UNC5C: variants seen among roughly 807,000 people sequenced by gnomAD.
UNC5C encodes netrin receptor UNC5C.
A neutral mutation model predicts 99.8 loss-of-function variants in UNC5C; 47 were observed. The observed-to-expected ratio is 0.47, with a 90% CI of 0.37 to 0.60. The LOEUF is 0.60. UNC5C is among the 20% of genes least tolerant of loss of function. The pLI is 0.00. For missense variants in UNC5C, 1,062 were observed against 1,165.9 expected (o/e 0.91, Z 1.30); for synonymous variants, 487 against 452.2 (o/e 1.08, Z -0.98).
intron 5 of UNC5C, 88 bp from the exon 6 acceptor site, chr4:95,245,232 C>T: frequency 7.4e-7 from 1 of 1,360,238 alleles, no homozygotes. Flanking sequence ...AATATGTAAA[C>T]AAAGAGTTAT....
chr4:95,403,423 CT>C, intron 1 of UNC5C, among the ~76,000 whole-genome samples: 1 of 152,138 alleles, frequency 6.6e-6, no homozygotes. Flanking sequence ...GACAAGAAGG[CT>C]TTTCATTTGA....
chr4:95,172,704 G>C (rs1236576891), intron 14 of UNC5C, among the ~76,000 whole-genome samples: 4 of 151,832 alleles, frequency 2.6e-5, no homozygotes, highest in African/African-American at 9.7e-5. Context: ...TTTGGCTTAG[G>C]ATTGACTTGG....
chr4:95,282,594 C>T (rs951575021), intron 3 of UNC5C, among the ~76,000 whole-genome samples: 11 of 152,128 alleles, frequency 7.2e-5, no homozygotes, highest in African/African-American at 2.2e-4. Flanking sequence ...TTTATGCTTC[C>T]GTTCAACAAA....
intron 1 of UNC5C, among the ~76,000 whole-genome samples, chr4:95,384,977 AG>A (rs560012449): frequency 8.9e-4 from 135 of 152,128 alleles, no homozygotes; most frequent in Non-Finnish European, 1.8e-3. Context: ...CAGATAGGAC[AG>A]GGTTAAAAAG....
intron 4 of UNC5C, among the ~76,000 whole-genome samples, chr4:95,262,149 T>C (rs1740261893): frequency 6.6e-6 from 1 of 152,170 alleles, no homozygotes; most frequent in South Asian, 2.1e-4. Flanking sequence ...ATTGGGAATA[T>C]TAGTGTTGTA....
At chr4:95,438,686 T>G (rs566647366) in intron 1 of UNC5C, among the ~76,000 whole-genome samples, 7 of 152,274 alleles carry the variant, frequency 4.6e-5, no homozygotes, top group Admixed American at 1.3e-4. Context: ...ACATAGTTCC[T>G]GCAGATAAGG....
chr4:95,522,715 A>T (rs1210829551), intron 1 of UNC5C, among the ~76,000 whole-genome samples: 1 of 152,206 alleles, frequency 6.6e-6, no homozygotes, highest in Non-Finnish European at 1.5e-5. Context: ...TAGTCCCCAG[A>T]ATAATTTTTG....
rs188890596 is a variant in UNC5C at position 95,342,644 on chromosome 4, G to A, written c.125-7013C>T. Among the ~76,000 whole-genome samples, 16 of 151,924 alleles carry A rather than the reference G, an allele frequency of 1.1e-4. No homozygotes were observed. In the East Asian group the frequency reaches 3.1e-3, roughly 30 times the overall value. ...AGGCTCCTTCTGCTTGAGAAAAAGG[G>A]AGGGAAGAGTAAAAGGGAGTTTGTC... On this transcript the variant is annotated intron_variant, in intron 1 of 15. Transcript: ENST00000453304.
At chr4:95,478,655 ATTAT>A (rs751597461) in intron 1 of UNC5C, among the ~76,000 whole-genome samples, 2 of 151,956 alleles carry the variant, frequency 1.3e-5, no homozygotes, top group South Asian at 2.1e-4. Flanking sequence ...TCTGCATTTT[ATTAT>A]TTTGTTTTTT....
intron 2 of UNC5C, among the ~76,000 whole-genome samples, chr4:95,323,567 C>T (rs551432047): frequency 2.0e-5 from 3 of 152,216 alleles, no homozygotes; most frequent in Non-Finnish European, 2.9e-5. Context: ...GATTATAATG[C>T]TCAAAAGGGT....
At chr4:95,184,905 C>G (rs1736768952) in intron 13 of UNC5C, 142 bp downstream of exon 13, 1 of 958,456 alleles carries the variant, frequency 1.0e-6, no homozygotes, top group African/African-American at 1.7e-5. Flanking sequence ...TCTCAAAAAT[C>G]CTAAATAACC....
At position 95,168,959 on chromosome 4, in the gene UNC5C, A is replaced by G. The variant is rs897407902; in HGVS notation, c.*275T>C. On this transcript the variant is annotated 3_prime_UTR_variant, in exon 16 of 16. Transcript: ENST00000453304. ...TTCCTAGGAAACTGTAAGATCCTGT[A>G]CCACACAGCATACAGCCCAACTAAG... The G allele has an allele frequency of 2.2e-5, 9 of 404,210 alleles. No individual in the cohort carries two copies. The highest frequency in any genetic ancestry group is 1.8e-4 in the African/African-American group (9 of 50,638). 25.0% of individuals were successfully genotyped at this position (404,210 alleles called of 1,614,324 possible).
intron 6 of UNC5C, among the ~76,000 whole-genome samples, chr4:95,243,319 G>A (rs1393013729): frequency 6.6e-6 from 1 of 151,828 alleles, no homozygotes; most frequent in Non-Finnish European, 1.5e-5. Flanking sequence ...TAATTTTGGT[G>A]GCTGGCTTGT....
At chr4:95,528,215 T>C (rs1398692898) in intron 1 of UNC5C, among the ~76,000 whole-genome samples, 1 of 152,204 alleles carries the variant, frequency 6.6e-6, no homozygotes, top group Non-Finnish European at 1.5e-5. Flanking sequence ...GAGTCCTTCA[T>C]ACAAAGTCCT....
At chr4:95,240,108 C>T (rs1579258532) in intron 7 of UNC5C, among the ~76,000 whole-genome samples, 1 of 152,212 alleles carries the variant, frequency 6.6e-6, no homozygotes, top group South Asian at 2.1e-4. Flanking sequence ...TAATGCATTC[C>T]AGACACTAAT....
intron 1 of UNC5C, among the ~76,000 whole-genome samples, chr4:95,355,572 TCA>T (rs991848247): frequency 2.7e-4 from 41 of 152,196 alleles, no homozygotes; most frequent in Admixed American, 5.9e-4. Flanking sequence ...GTTGTGCCTA[TCA>T]CACAGTAATA....
chr4:95,356,145 G>T (rs1448687536), intron 1 of UNC5C, among the ~76,000 whole-genome samples: 1 of 134,402 alleles, frequency 7.4e-6, no homozygotes, highest in Admixed American at 8.1e-5. Context: ...AGCTGTGATT[G>T]CACCACTGCA....
intron 1 of UNC5C, among the ~76,000 whole-genome samples, chr4:95,511,031 T>G (rs914345202): frequency 6.6e-6 from 1 of 152,138 alleles, no homozygotes; most frequent in Non-Finnish European, 1.5e-5. Context: ...ACTGATACCC[T>G]GGGGATATTG....
At chr4:95,531,234 T>G (rs999725821) in intron 1 of UNC5C, among the ~76,000 whole-genome samples, 3 of 152,240 alleles carry the variant, frequency 2.0e-5, no homozygotes, top group Non-Finnish European at 4.4e-5. Flanking sequence ...TTGACAGTCT[T>G]GAAGTCTTTC....
Sources: gnomAD v4.1 joint callset for allele counts (sites outside exome capture counted in the v4.1 genomes callset) on GRCh38, gnomAD v4.1.1 for gene constraint, MANE v1.5 for transcripts, NCBI Gene and HGNC (gene_info 2026-07-23, HGNC 2026-07-21) for gene names.